The following NT5DC4 variants were observed in gnomAD, a reference collection of about 807,000 sequenced individuals.
NT5DC4 encodes 5'-nucleotidase domain-containing protein 4.
A neutral mutation model predicts 26.6 loss-of-function variants in NT5DC4; 44 were observed. The ratio of observed to expected loss-of-function variants is 1.65; its 90% CI spans 1.30 to 2.13. NT5DC4 has a LOEUF of 2.13. Among genes scored for constraint, NT5DC4 ranks in the 30% most tolerant of loss-of-function variants. The pLI, the probability that NT5DC4 is intolerant of heterozygous loss-of-function variation, is 0.00. For synonymous variants in NT5DC4, 157 were observed against 86.7 expected (o/e 1.81, Z -4.51); for missense variants, 399 against 228.1 (o/e 1.75, Z -4.83).
downstream of NT5DC4, among the ~76,000 whole-genome samples, chr2:112,741,766 CTCTT>C (rs1455403873): frequency 6.6e-6 from 1 of 151,900 alleles, no homozygotes; most frequent in Non-Finnish European, 1.5e-5. Context: ...GTTAAATCTA[CTCTT>C]TTTTTTTGAG....
chr2:112,719,904 T>TTTTC (rs1172710335), upstream of NT5DC4, among the ~76,000 whole-genome samples: 11 of 98,742 alleles, frequency 1.1e-4, no homozygotes, highest in South Asian at 4.0e-4. Flanking sequence ...CTTTCTTTCT[T>TTTTC]TTTCTTTCTT....
intron 10 of NT5DC4, 199 bp downstream of exon 10, chr2:112,724,325 G>A: frequency 1.6e-6 from 1 of 621,520 alleles, no homozygotes; most frequent in South Asian, 1.8e-5. Flanking sequence ...GCCCTGGGAG[G>A]AGCCTTTGGG....
chr2:112,723,539 C>G, intron 8 of NT5DC4, 71 bp downstream of exon 8: 6 of 708,212 alleles, frequency 8.5e-6, no homozygotes, highest in Non-Finnish European at 1.6e-5. Context: ...CAACCCTTCT[C>G]TGGCTTTCTT....
upstream of NT5DC4, among the ~76,000 whole-genome samples, chr2:112,719,779 A>T (rs547388118): frequency 3.0e-3 from 449 of 147,764 alleles, no homozygotes; most frequent in Non-Finnish European, 4.3e-3. Flanking sequence ...CCACTGCGCC[A>T]GGCCCTTTTC....
At chr2:112,735,788 TTG>T (rs1679074897) in intron 16 of NT5DC4, among the ~76,000 whole-genome samples, 1 of 152,146 alleles carries the variant, frequency 6.6e-6, no homozygotes, top group Non-Finnish European at 1.5e-5. Context: ...CCACAACCTT[TTG>T]TGTCTGCAAG....
At chr2:112,736,747 T>C (rs1234179128) in intron 16 of NT5DC4, 1 of 152,244 alleles carries the variant, frequency 6.6e-6, no homozygotes, top group African/African-American at 2.4e-5. Context: ...GGTCCATCTA[T>C]GTTGTGGCAA....
At chr2:112,724,402 G>A (rs540660507) in intron 10 of NT5DC4, 25 of 578,380 alleles carry the variant, frequency 4.3e-5, no homozygotes, top group African/African-American at 4.1e-4. Context: ...GGGCATGGCA[G>A]GTCAAAGGGA....
chr2:112,728,433 CGATGGCACTGGGCAAGGGTTAGTAGGAG>C (rs1678037741), intron 15 of NT5DC4, among the ~76,000 whole-genome samples: 2 of 152,164 alleles, frequency 1.3e-5, no homozygotes, highest in South Asian at 4.1e-4. Flanking sequence ...GAGGTGGCTA[CGATGGCACTGGGCAAGGGTTAGTAGGAG>C]TCATGGGACT....
intron 16 of NT5DC4, among the ~76,000 whole-genome samples, chr2:112,730,569 G>A (rs951850975): frequency 1.4e-4 from 21 of 152,226 alleles, no homozygotes; most frequent in Admixed American, 7.2e-4. Flanking sequence ...CTTGACCCGC[G>A]TCTGAGCTGA....
intron 15 of NT5DC4, among the ~76,000 whole-genome samples, chr2:112,729,397 C>T (rs1290005513): frequency 1.3e-5 from 2 of 152,264 alleles, no homozygotes; most frequent in African/African-American, 2.4e-5. Context: ...GCTGGGATTA[C>T]AGGCGTGAGC....
In NT5DC4 at chr2:112,723,962, G is replaced by A. The variant is rs1677332825; in HGVS notation, c.757-132G>A. 8.6e-6 allele frequency: 6 copies of A among 698,856 alleles called. No homozygotes were observed. The East Asian group carries it at 1.1e-4, about 13-fold the overall frequency. The allele number at this position is 698,856 out of a possible 1,614,324, so 43.3% of individuals were successfully genotyped here. On this transcript the variant is annotated intron_variant, in intron 9 of 16. Coordinates refer to ENST00000688554, the MANE Select transcript of NT5DC4 (RefSeq NM_001393655.1). The stretch of plus-strand genomic sequence containing the variant: ...GGACTCCATTTCTTGGCCTTTCAAG[G>A]CCTCAGAAGAATGAGCAACTTTCTC...
rs115389629 is a variant in NT5DC4 at position 112,722,083 on chromosome 2, C to T, written c.246C>T (p.Tyr82=). 3.9e-3 allele frequency: 2,812 copies of T among 717,040 alleles called. 62 individuals are homozygous for T. In the African/African-American group the frequency reaches 0.044, roughly 11 times the overall value. The allele number at this position is 717,040 out of a possible 1,614,324, so 44.4% of individuals were successfully genotyped here. A position where few individuals can be genotyped will look rare whatever the true frequency, so the allele number is the denominator to read the frequency against. The change falls in exon 3 of 17, where the codon TAC becomes TAT. Residue 82 remains tyrosine (Y), a synonymous_variant. Transcript: ENST00000688554. The part of the protein sequence containing the change: ...GYPHEILRYT[Y]DPTFPTRRLV... Reference sequence around the variant, plus strand: ...CGCATGAGATCCTGCGCTACACCTACGACCCCACCTTCCCCACCAGGTGTG... The same window carrying T: ...CGCATGAGATCCTGCGCTACACCTATGACCCCACCTTCCCCACCAGGTGTG...
At chr2:112,725,654 A>T (rs1677610292) in intron 13 of NT5DC4, 102 bp downstream of exon 13, 3 of 571,692 alleles carry the variant, frequency 5.2e-6, no homozygotes, top group Non-Finnish European at 9.5e-6. Flanking sequence ...AGTAGTTGTG[A>T]CCAGGAATCC....
chr2:112,734,760 G>A (rs1358777884), intron 16 of NT5DC4, among the ~76,000 whole-genome samples: 1 of 152,224 alleles, frequency 6.6e-6, no homozygotes, highest in African/African-American at 2.4e-5. Context: ...TGTGATCTCA[G>A]TTCACTGCAC....
downstream of NT5DC4, among the ~76,000 whole-genome samples, chr2:112,740,041 G>A (rs191459822): frequency 3.9e-5 from 6 of 152,282 alleles, no homozygotes; most frequent in Admixed American, 2.0e-4. Flanking sequence ...TTGCCTGCTA[G>A]TTTTCCTTAG....
chr2:112,736,540 C>T (rs1013127535), intron 16 of NT5DC4: 3 of 152,148 alleles, frequency 2.0e-5, no homozygotes, highest in African/African-American at 7.2e-5. Flanking sequence ...AACTTTAGCC[C>T]TATCTCTAGA....
chr2:112,736,646 C>G (rs1440016771), intron 16 of NT5DC4: 5 of 152,174 alleles, frequency 3.3e-5, no homozygotes, highest in Non-Finnish European at 7.3e-5. Context: ...TGTACTTGAG[C>G]TCTTTCTTAA....
intron 16 of NT5DC4, among the ~76,000 whole-genome samples, chr2:112,733,955 A>G (rs1431819277): frequency 6.6e-6 from 1 of 152,136 alleles, no homozygotes; most frequent in Non-Finnish European, 1.5e-5. Flanking sequence ...TCATCACCTT[A>G]GTCCTCATTT....
At chr2:112,726,830 T>C (rs915379491) in intron 15 of NT5DC4, 92 bp downstream of exon 15, 2 of 711,308 alleles carry the variant, frequency 2.8e-6, no homozygotes, top group Non-Finnish European at 2.6e-6. Flanking sequence ...TTGTCCTCGG[T>C]GCCAAAGGCC....
Sources: gnomAD v4.1 joint callset for allele counts (sites outside exome capture counted in the v4.1 genomes callset) on GRCh38, gnomAD v4.1.1 for gene constraint, MANE v1.5 for transcripts, NCBI Gene and HGNC (gene_info 2026-07-23, HGNC 2026-07-21) for gene names.